Variants in NHSL1 observed in about 807,000 individuals in gnomAD.
NHSL1 encodes the protein NHS-like protein 1.
NHSL1 carries 48 observed loss-of-function variants against 95.0 expected under a neutral mutation model. That is an observed-to-expected ratio of 0.51 (90% CI 0.40 to 0.64). The LOEUF (loss-of-function observed/expected upper bound fraction) is 0.64, where lower values mean the gene tolerates loss of function less well. Among genes scored for constraint, NHSL1 ranks in the 30% least tolerant of loss-of-function variants. The pLI, the probability that NHSL1 is intolerant of heterozygous loss-of-function variation, is 0.00. For missense variants in NHSL1, 1,971 were observed against 2,077.7 expected (o/e 0.95, Z 1.00); for synonymous variants, 783 against 833.9 (o/e 0.94, Z 1.05).
intron 1 of NHSL1, among the ~76,000 whole-genome samples, chr6:138,668,770 C>T (rs1785328178): frequency 6.6e-6 from 1 of 151,822 alleles, no homozygotes; most frequent in Non-Finnish European, 1.5e-5. Context: ...ACTACAGGCA[C>T]GTGCCACCAC....
chr6:138,575,148 C>T (rs1783948894), upstream of NHSL1, among the ~76,000 whole-genome samples: 1 of 152,138 alleles, frequency 6.6e-6, no homozygotes, highest in South Asian at 2.1e-4. Context: ...ATCTGTCTGC[C>T]TCGGCCTCCC....
chr6:138,662,158 A>T (rs924173283), intron 1 of NHSL1, among the ~76,000 whole-genome samples: 1 of 150,578 alleles, frequency 6.6e-6, no homozygotes, highest in Non-Finnish European at 1.5e-5. Flanking sequence ...AAAAAAAAAA[A>T]TCTTAGAATG....
chr6:138,641,753 G>C (rs1238566117), intron 1 of NHSL1, among the ~76,000 whole-genome samples: 4 of 151,774 alleles, frequency 2.6e-5, no homozygotes, highest in African/African-American at 9.7e-5. Context: ...AAATGATCAA[G>C]TGTCCCTCAT....
intron 3 of NHSL1, among the ~76,000 whole-genome samples, chr6:138,455,494 G>GCCCCGCCTTCGCATGCTTCCTGCAAGA (rs1562287545): frequency 1.3e-5 from 1 of 78,778 alleles, no homozygotes; most frequent in Non-Finnish European, 2.7e-5. Flanking sequence ...TCCCTGCAAG[G>GCCCCGCCTTCGCATGCTTCCTGCAAGA]AGCCCCGCCT....
At chr6:138,562,309 A>C (rs1479562822) in intron 1 of NHSL1, among the ~76,000 whole-genome samples, 1 of 152,234 alleles carries the variant, frequency 6.6e-6, no homozygotes, top group Non-Finnish European at 1.5e-5. Flanking sequence ...GCCGTTGCTA[A>C]GGGAAAAAGT....
upstream of NHSL1, among the ~76,000 whole-genome samples, chr6:138,575,356 G>C (rs749780585): frequency 2.6e-5 from 4 of 152,168 alleles, no homozygotes; most frequent in Admixed American, 6.5e-5. Flanking sequence ...TTCAAGGAAA[G>C]GGTTAACAGG....
chr6:138,490,743 C>T (rs532654879), intron 2 of NHSL1, among the ~76,000 whole-genome samples: 83 of 152,282 alleles, frequency 5.5e-4, no homozygotes, highest in Non-Finnish European at 7.2e-4. Flanking sequence ...AGTGATTCTC[C>T]TGCCTCAGCC....
At chr6:138,662,561 T>C (rs1294139384) in intron 1 of NHSL1, among the ~76,000 whole-genome samples, 1 of 152,214 alleles carries the variant, frequency 6.6e-6, no homozygotes. Context: ...TTATGGCTCC[T>C]TTAAAGAAGA....
chr6:138,427,967 T>C lies in NHSL1; in HGVS notation c.4085+1744A>G, dbSNP rs72988941. Among the ~76,000 whole-genome samples the C allele has an allele frequency of 4.1e-4, 62 of 152,338 alleles. 1 individual carries two copies. The highest frequency in any genetic ancestry group is 6.3e-4 in the Non-Finnish European group (43 of 68,030). On this transcript the variant is annotated intron_variant, in intron 7 of 7. Transcript: ENST00000343505. ...GCTTTGACTTCTCTCATACGTGCACTGAGTAACACCAACTGACCGATTTCT... is the reference window on the plus strand; with the variant it reads ...GCTTTGACTTCTCTCATACGTGCACCGAGTAACACCAACTGACCGATTTCT...
chr6:138,651,659 G>A (rs1785094999), intron 1 of NHSL1, among the ~76,000 whole-genome samples: 1 of 152,210 alleles, frequency 6.6e-6, no homozygotes, highest in Non-Finnish European at 1.5e-5. Context: ...ATATACTCAT[G>A]TGAAGGATCT....
At chr6:138,435,378 A>G (rs1776006247) in intron 5 of NHSL1, 1 of 152,500 alleles carries the variant, frequency 6.6e-6, no homozygotes, top group Non-Finnish European at 1.5e-5. Context: ...TTTAAGTAGC[A>G]TAAACAAAAT....
chr6:138,652,305 G>A (rs1175454451), intron 1 of NHSL1, among the ~76,000 whole-genome samples: 3 of 151,992 alleles, frequency 2.0e-5, no homozygotes, highest in Admixed American at 2.0e-4. Context: ...GCCAGGCGTG[G>A]CGGCTCATGC....
chr6:138,656,189 T>C (rs1785154262), intron 1 of NHSL1, among the ~76,000 whole-genome samples: 1 of 152,256 alleles, frequency 6.6e-6, no homozygotes, highest in South Asian at 2.1e-4. Flanking sequence ...TCTTTGGCAC[T>C]GTGTTTCTAA....
chr6:138,617,612 T>G (rs1489460175), intron 1 of NHSL1, among the ~76,000 whole-genome samples: 2 of 152,218 alleles, frequency 1.3e-5, no homozygotes, highest in Non-Finnish European at 2.9e-5. Flanking sequence ...GAGGAATGCA[T>G]GCTTGTGGAA....
intron 1 of NHSL1, among the ~76,000 whole-genome samples, chr6:138,578,172 C>T (rs1384493483): frequency 6.6e-6 from 1 of 152,200 alleles, no homozygotes; most frequent in African/African-American, 2.4e-5. Context: ...GGGAAAGACT[C>T]AACACAAACA....
intron 3 of NHSL1, among the ~76,000 whole-genome samples, chr6:138,469,999 G>A (rs1244924154): frequency 6.6e-6 from 1 of 152,016 alleles, no homozygotes; most frequent in East Asian, 1.9e-4. Context: ...AAGGCAGTTA[G>A]CTATTATGAT....
intron 3 of NHSL1, among the ~76,000 whole-genome samples, chr6:138,456,836 T>G (rs1350772440): frequency 8.8e-6 from 1 of 113,552 alleles, no homozygotes; most frequent in Non-Finnish European, 2.0e-5. Flanking sequence ...GTGTACTCTT[T>G]GATTTCAGAG....
intron 1 of NHSL1, chr6:138,651,011 A>G: frequency 2.2e-6 from 1 of 448,848 alleles, no homozygotes; most frequent in Non-Finnish European, 4.4e-6. Flanking sequence ...AATTAAAGCA[A>G]GTTCGATCTC....
At chr6:138,590,141 G>T (rs370904046) in intron 1 of NHSL1, among the ~76,000 whole-genome samples, 6 of 152,224 alleles carry the variant, frequency 3.9e-5, no homozygotes, top group African/African-American at 1.4e-4. Context: ...GTGACTACAG[G>T]TGCCCATCAC....
Sources: gnomAD v4.1 joint callset for allele counts (sites outside exome capture counted in the v4.1 genomes callset) on GRCh38, gnomAD v4.1.1 for gene constraint, MANE v1.5 for transcripts, NCBI Gene and HGNC (gene_info 2026-07-23, HGNC 2026-07-21) for gene names.